MYO1D: variants seen among roughly 807,000 people sequenced by gnomAD.
MYO1D encodes the protein unconventional myosin-Id.
In MYO1D, 83 loss-of-function variants were observed where a neutral mutation model predicts 122.0. That is an observed-to-expected ratio of 0.68 (90% CI 0.57 to 0.82). The LOEUF is 0.82. Among genes scored for constraint, MYO1D ranks in the 40% least tolerant of loss-of-function variants. The pLI is 0.00. For synonymous variants in MYO1D, 464 were observed against 446.9 expected (o/e 1.04, Z -0.48); for missense variants, 1,157 against 1,269.5 (o/e 0.91, Z 1.35).
intron 13 of MYO1D, among the ~76,000 whole-genome samples, chr17:32,740,697 A>G (rs1386370245): frequency 6.6e-6 from 1 of 151,822 alleles, no homozygotes; most frequent in African/African-American, 2.4e-5. Context: ...CTGGTCTCAA[A>G]CTCCTGGGCT....
At chr17:32,519,807 A>G (rs535457817) in intron 21 of MYO1D, among the ~76,000 whole-genome samples, 7 of 152,034 alleles carry the variant, frequency 4.6e-5, no homozygotes, top group Non-Finnish European at 8.8e-5. Context: ...GGGTCAGCTA[A>G]GGGTACAGGA....
At chr17:32,824,672 G>C (rs1238584532) in intron 1 of MYO1D, among the ~76,000 whole-genome samples, 1 of 152,214 alleles carries the variant, frequency 6.6e-6, no homozygotes, top group Non-Finnish European at 1.5e-5. Flanking sequence ...GCTCAGAATT[G>C]ACCCAGGACC....
intron 1 of MYO1D, among the ~76,000 whole-genome samples, chr17:32,865,248 T>G (rs1335374150): frequency 6.6e-6 from 1 of 152,232 alleles, no homozygotes; most frequent in Non-Finnish European, 1.5e-5. Context: ...AGCAACAGTC[T>G]GAGATAGAAC....
At chr17:32,563,922 T>A (rs115564315) in intron 21 of MYO1D, among the ~76,000 whole-genome samples, 1 of 152,246 alleles carries the variant, frequency 6.6e-6, no homozygotes, top group Non-Finnish European at 1.5e-5. Context: ...CTTGGTTTAC[T>A]ACAATTCTTG....
intron 18 of MYO1D, among the ~76,000 whole-genome samples, 197 bp downstream of exon 18, chr17:32,654,280 A>G (rs1459584833): frequency 1.3e-5 from 2 of 152,244 alleles, no homozygotes; most frequent in African/African-American, 4.8e-5. Flanking sequence ...TATGGATACA[A>G]CACACAGAAC....
intron 19 of MYO1D, among the ~76,000 whole-genome samples, chr17:32,649,131 T>C (rs992878796): frequency 2.1e-4 from 32 of 152,242 alleles, no homozygotes; most frequent in Admixed American, 9.8e-4. Flanking sequence ...TACACTACTT[T>C]ATCACTGTTT....
At chr17:32,826,471 C>G (rs908479471) in intron 1 of MYO1D, among the ~76,000 whole-genome samples, 2 of 152,194 alleles carry the variant, frequency 1.3e-5, no homozygotes, top group Admixed American at 6.5e-5. Flanking sequence ...TATTTAGTTG[C>G]AAATGAGTAA....
chr17:32,832,029 G>T (rs563977116), intron 1 of MYO1D, among the ~76,000 whole-genome samples: 77 of 152,238 alleles, frequency 5.1e-4, no homozygotes, highest in African/African-American at 1.7e-3. Context: ...CTAGGATTCT[G>T]CAGTGTCATG....
At chr17:32,812,885 G>GT (rs2090584130) in intron 1 of MYO1D, among the ~76,000 whole-genome samples, 2 of 152,192 alleles carry the variant, frequency 1.3e-5, no homozygotes, top group African/African-American at 4.8e-5. Flanking sequence ...GACTTTATAT[G>GT]TATAGGCCAT....
At chr17:32,630,473 C>T (rs1407685572) in intron 20 of MYO1D, among the ~76,000 whole-genome samples, 1 of 152,124 alleles carries the variant, frequency 6.6e-6, no homozygotes, top group Non-Finnish European at 1.5e-5. Flanking sequence ...CTAGGGCTGC[C>T]ATGATAAAGT....
intron 21 of MYO1D, among the ~76,000 whole-genome samples, chr17:32,504,022 T>C (rs1909411245): frequency 6.6e-6 from 1 of 152,236 alleles, no homozygotes; most frequent in South Asian, 2.1e-4. Context: ...TGGTGCTTCC[T>C]GGCATACTGA....
intron 1 of MYO1D, among the ~76,000 whole-genome samples, chr17:32,811,023 G>C (rs901157257): frequency 2.0e-5 from 3 of 152,242 alleles, no homozygotes; most frequent in African/African-American, 7.2e-5. Context: ...CCAAAAGTGA[G>C]TGTATTCCTT....
intron 20 of MYO1D, among the ~76,000 whole-genome samples, chr17:32,630,658 C>T (rs534657796): frequency 2.7e-4 from 41 of 150,838 alleles, no homozygotes; most frequent in East Asian, 1.6e-3. Context: ...CCGCAAGCTC[C>T]GCCTCCTGGG....
chr17:32,715,076 G>A (rs1165068512), intron 15 of MYO1D, among the ~76,000 whole-genome samples: 1 of 152,120 alleles, frequency 6.6e-6, no homozygotes, highest in Non-Finnish European at 1.5e-5. Context: ...CAACATCACT[G>A]ATCATTAGAG....
intron 20 of MYO1D, among the ~76,000 whole-genome samples, chr17:32,637,436 C>G (rs2088117846): frequency 6.6e-6 from 1 of 152,042 alleles, no homozygotes; most frequent in South Asian, 2.1e-4. Context: ...TTTGGGAGAC[C>G]ACAGCGGGTG....
intron 21 of MYO1D, among the ~76,000 whole-genome samples, chr17:32,543,392 C>T (rs189469554): frequency 5.3e-5 from 8 of 151,030 alleles, no homozygotes; most frequent in South Asian, 2.1e-4. Context: ...CTGGCTAACA[C>T]GGTGAAACCC....
intron 1 of MYO1D, among the ~76,000 whole-genome samples, chr17:32,817,181 G>A (rs1002268918): frequency 3.9e-5 from 6 of 152,182 alleles, no homozygotes; most frequent in South Asian, 2.1e-4. Flanking sequence ...CTCCCACCTC[G>A]GCCTCTCAAA....
At position 32,704,442 on chromosome 17, in the gene MYO1D, T is replaced by G. The variant is rs138250741; in HGVS notation, c.2121+7546A>C. On this transcript the variant is annotated intron_variant, in intron 16 of 21. Transcript: ENST00000318217. Reference sequence around the variant, plus strand: ...CAGTGCATCAGTGAGACAAACTCCTTCCCACATTAGTTGGTGGGAACATAA... The same window carrying G: ...CAGTGCATCAGTGAGACAAACTCCTGCCCACATTAGTTGGTGGGAACATAA... Among the ~76,000 whole-genome samples the G allele has an allele frequency of 1.7e-3, 266 of 152,322 alleles. 1 individual carries two copies. The highest frequency in any genetic ancestry group is 5.8e-3 in the African/African-American group (243 of 41,570).
intron 21 of MYO1D, among the ~76,000 whole-genome samples, chr17:32,603,606 A>G (rs1222923627): frequency 1.3e-5 from 2 of 149,582 alleles, no homozygotes; most frequent in Admixed American, 1.3e-4. Context: ...GCTCACAGCA[A>G]GCTCCGCCTC....
Sources: allele counts gnomAD v4.1 joint callset (sites outside exome capture counted in the v4.1 genomes callset), GRCh38; gene constraint gnomAD v4.1.1; transcripts MANE v1.5; gene names NCBI Gene and HGNC (gene_info 2026-07-23, HGNC 2026-07-21).